SLC39A11: variants seen among roughly 807,000 people sequenced by gnomAD.
SLC39A11 encodes solute carrier family 39 member 11, also known as zinc transporter ZIP11.
Under a neutral mutation model 36.1 loss-of-function variants are expected in SLC39A11, and 33 were observed. That is an observed-to-expected ratio of 0.91 (90% CI 0.69 to 1.22). SLC39A11 has a LOEUF of 1.22. SLC39A11 is among the 50% of genes most tolerant of loss of function. The pLI is 0.00. For synonymous variants in SLC39A11, 166 were observed against 170.3 expected (o/e 0.97, Z 0.20); for missense variants, 432 against 430.3 (o/e 1.00, Z -0.03).
At chr17:73,033,509 T>C (rs1372368874) in intron 3 of SLC39A11, among the ~76,000 whole-genome samples, 1 of 152,200 alleles carries the variant, frequency 6.6e-6, no homozygotes, top group Non-Finnish European at 1.5e-5. Context: ...ACTGTAGTCC[T>C]AGCTACTGGG....
intron 3 of SLC39A11, 35 bp downstream of exon 3, chr17:73,084,773 C>T (rs1216299436): frequency 3.1e-6 from 5 of 1,612,142 alleles, no homozygotes; most frequent in Non-Finnish European, 1.7e-6. Context: ...ATCAGTATGC[C>T]TCAATTTCCA....
chr17:72,762,251 T>C (rs1242630404), intron 6 of SLC39A11, among the ~76,000 whole-genome samples: 2 of 152,168 alleles, frequency 1.3e-5, no homozygotes, highest in Non-Finnish European at 2.9e-5. Context: ...ACAAAACAGG[T>C]TGCAGTAAAG....
At chr17:72,884,198 C>T (rs1319902749) in intron 5 of SLC39A11, among the ~76,000 whole-genome samples, 1 of 152,182 alleles carries the variant, frequency 6.6e-6, no homozygotes, top group East Asian at 1.9e-4. Flanking sequence ...TAAAGGACCA[C>T]AGTGCCCCTG....
At position 72,909,750 on chromosome 17, in the gene SLC39A11, C is replaced by CTTTT. The variant is rs56091262; in HGVS notation, c.430+37998_430+38001dup. On this transcript the variant is annotated intron_variant, in intron 5 of 9. Coordinates refer to ENST00000255559, the MANE Select transcript of SLC39A11 (RefSeq NM_139177.4). Reference sequence around the variant, plus strand: ...TCTTTCTTTCTTTTTTTTCTTTTTTCTTTTTTTTTTTTTGAGACGGAGTCT... The same window carrying CTTTT: ...TCTTTCTTTCTTTTTTTTCTTTTTTCTTTTTTTTTTTTTTTTTGAGACGGAGTCT... 1.4e-4 allele frequency among the ~76,000 whole-genome samples: 20 copies of CTTTT among 144,698 alleles called. 1 individual carries two copies. Among genetic ancestry groups the CTTTT allele is most frequent in the South Asian group, 6.5e-4 (3 of 4,598 alleles). 94.9% of individuals were successfully genotyped at this position (144,698 alleles called of 152,430 possible). A position where few individuals can be genotyped will look rare whatever the true frequency, so the allele number is the denominator to read the frequency against.
intron 5 of SLC39A11, among the ~76,000 whole-genome samples, chr17:72,868,380 G>A (rs1385658828): frequency 6.6e-6 from 1 of 152,068 alleles, no homozygotes; most frequent in East Asian, 1.9e-4. Flanking sequence ...CAAACCAGAG[G>A]AATGTAACAT....
At chr17:72,821,558 T>C (rs2077784042) in intron 6 of SLC39A11, 1 of 139,206 alleles carries the variant, frequency 7.2e-6, no homozygotes, top group Non-Finnish European at 1.6e-5. Flanking sequence ...TTTGAACAGA[T>C]TTTTTGTGGA....
At chr17:72,934,718 AC>A (rs1357224369) in intron 5 of SLC39A11, among the ~76,000 whole-genome samples, 3 of 152,226 alleles carry the variant, frequency 2.0e-5, no homozygotes, top group Admixed American at 1.3e-4. Flanking sequence ...GGATTAAAAA[AC>A]AAGCAAAAGA....
intron 3 of SLC39A11, among the ~76,000 whole-genome samples, chr17:73,063,384 A>C (rs973426226): frequency 6.6e-6 from 1 of 152,160 alleles, no homozygotes; most frequent in Non-Finnish European, 1.5e-5. Flanking sequence ...TTTCACTCTT[A>C]TAAACTCTAA....
At chr17:72,975,868 CA>C (rs1462171091) in intron 4 of SLC39A11, among the ~76,000 whole-genome samples, 1 of 152,058 alleles carries the variant, frequency 6.6e-6, no homozygotes, top group Non-Finnish European at 1.5e-5. Flanking sequence ...TTTGAGAAAA[CA>C]AGAATGAAAA....
intron 6 of SLC39A11, among the ~76,000 whole-genome samples, chr17:72,793,947 G>A (rs2076804800): frequency 6.6e-6 from 1 of 151,454 alleles, no homozygotes; most frequent in Non-Finnish European, 1.5e-5. Context: ...ACACCGGCCA[G>A]TATACAGAGA....
chr17:72,932,292 T>TTTTTTATTATTATTATTATTATTA (rs1555638210), intron 5 of SLC39A11, among the ~76,000 whole-genome samples: 1 of 144,372 alleles, frequency 6.9e-6, no homozygotes, highest in African/African-American at 2.8e-5. Flanking sequence ...GACCTGTTCT[T>TTTTTTATTATTATTATTATTATTA]TTATTATTAT....
At position 73,084,866 on chromosome 17, in the gene SLC39A11, G is replaced by A. The variant is rs546807436; in HGVS notation, c.109-20C>T. ...CCGCCTCTGAAAATCAAAACAAGAT[G>A]TTTCAGTTTCCAAGAGACAATAAGA... On this transcript the variant is annotated intron_variant, in intron 2 of 9. Coordinates refer to ENST00000255559, the MANE Select transcript of SLC39A11 (RefSeq NM_139177.4). 17 of 1,613,516 alleles carry A rather than the reference G, an allele frequency of 1.1e-5. No individual in the cohort carries two copies. The highest frequency in any genetic ancestry group is 3.3e-5 in the Admixed American group (2 of 59,974).
At chr17:72,681,167 C>A (rs2071493986) in intron 7 of SLC39A11, among the ~76,000 whole-genome samples, 1 of 152,120 alleles carries the variant, frequency 6.6e-6, no homozygotes, top group Non-Finnish European at 1.5e-5. Flanking sequence ...CCTCAGGTGA[C>A]CCGCCCACCT....
chr17:73,048,373 T>C (rs1003105329), intron 3 of SLC39A11, among the ~76,000 whole-genome samples: 5 of 152,220 alleles, frequency 3.3e-5, no homozygotes, highest in African/African-American at 1.2e-4. Flanking sequence ...GATCCCATTC[T>C]TTTTTATGAC....
At chr17:72,931,518 G>A (rs1424245191) in intron 5 of SLC39A11, among the ~76,000 whole-genome samples, 4 of 152,104 alleles carry the variant, frequency 2.6e-5, no homozygotes, top group African/African-American at 9.7e-5. Flanking sequence ...CCGTTCATCC[G>A]CTGCCCCAAA....
At chr17:72,773,783 C>T (rs1033862865) in intron 6 of SLC39A11, among the ~76,000 whole-genome samples, 90 of 152,154 alleles carry the variant, frequency 5.9e-4, no homozygotes, top group Middle Eastern at 3.4e-3. Flanking sequence ...TAAAATACAA[C>T]ATAAATAACT....
intron 3 of SLC39A11, among the ~76,000 whole-genome samples, chr17:73,047,835 G>T (rs2059346886): frequency 6.6e-6 from 1 of 150,878 alleles, no homozygotes; most frequent in African/African-American, 2.4e-5. Context: ...GGGCGTGGTG[G>T]CATGTGCCTG....
At chr17:72,766,038 C>T (rs1421913924) in intron 6 of SLC39A11, among the ~76,000 whole-genome samples, 3 of 152,096 alleles carry the variant, frequency 2.0e-5, no homozygotes, top group Admixed American at 6.6e-5. Context: ...TATGGTGGAA[C>T]GTGGGATGTG....
intron 5 of SLC39A11, among the ~76,000 whole-genome samples, chr17:72,870,421 A>G (rs1447204194): frequency 2.0e-5 from 3 of 152,372 alleles, no homozygotes; most frequent in Middle Eastern, 6.8e-3. Flanking sequence ...GTTAGGTAGC[A>G]TGAGATAGAA....
Sources: allele counts gnomAD v4.1 joint callset (sites outside exome capture counted in the v4.1 genomes callset), GRCh38; gene constraint gnomAD v4.1.1; transcripts MANE v1.5; gene names NCBI Gene and HGNC (gene_info 2026-07-23, HGNC 2026-07-21).